Variants in SS18 observed in about 807,000 individuals in gnomAD.
The protein encoded by SS18 is protein SSXT.
A neutral mutation model predicts 72.5 loss-of-function variants in SS18; 28 were observed. The observed-to-expected ratio is 0.39, with a 90% confidence interval of 0.29 to 0.53. The LOEUF (loss-of-function observed/expected upper bound fraction) is 0.53. Among genes scored for constraint, SS18 ranks in the 20% least tolerant of loss-of-function variants. The pLI is 0.76. For missense variants in SS18, 518 were observed against 535.3 expected, an observed-to-expected ratio of 0.97 and a Z score of 0.32; for synonymous variants, 172 against 164.2, an observed-to-expected ratio of 1.05 and a Z score of -0.37.
At chr18:26,068,054 C>T (rs73403513) in intron 3 of SS18, among the ~76,000 whole-genome samples, 1,788 of 152,198 alleles carry the variant, frequency 0.012, 26 homozygotes, top group African/African-American at 0.041. Context: ...AGAGCTCAGG[C>T]GGTAATGCTC....
chr18:26,063,714 A>G (rs940662809), intron 3 of SS18, among the ~76,000 whole-genome samples: 3 of 152,202 alleles, frequency 2.0e-5, no homozygotes. Context: ...AAGTTGAAAA[A>G]TAACACTATC....
chr18:26,085,505 A>G (rs111330476), intron 2 of SS18, among the ~76,000 whole-genome samples: 2,450 of 152,348 alleles, frequency 0.016, 51 homozygotes, highest in African/African-American at 0.055. Flanking sequence ...TTGGCAACTT[A>G]GTATGGTCTT....
chr18:26,050,022 G>A (rs1446475214), intron 5 of SS18, among the ~76,000 whole-genome samples: 2 of 152,230 alleles, frequency 1.3e-5, no homozygotes, highest in Admixed American at 1.3e-4. Context: ...TGAGGTGGAT[G>A]GATGGCTTGA....
chr18:26,039,186 A>AG (rs2053679025), intron 6 of SS18, 103 bp downstream of exon 6: 3 of 906,722 alleles, frequency 3.3e-6, no homozygotes, highest in Admixed American at 3.1e-5. Context: ...AAAAAAAAAA[A>AG]AAAAAAAAAG....
chr18:26,019,877 A>C (rs1374801468), intron 10 of SS18, among the ~76,000 whole-genome samples: 1 of 151,612 alleles, frequency 6.6e-6, no homozygotes, highest in African/African-American at 2.4e-5. Flanking sequence ...ATTTAAATCA[A>C]TGATCATCTT....
At chr18:26,051,083 T>A (rs1166409583) in intron 5 of SS18, among the ~76,000 whole-genome samples, 1 of 152,118 alleles carries the variant, frequency 6.6e-6, no homozygotes, top group Non-Finnish European at 1.5e-5. Flanking sequence ...ATGCCTGTAA[T>A]CCCAGGACTT....
chr18:26,081,672 T>C (rs1345493661), intron 2 of SS18, among the ~76,000 whole-genome samples: 5 of 151,688 alleles, frequency 3.3e-5, no homozygotes, highest in Admixed American at 2.6e-4. Flanking sequence ...ATATTAAATA[T>C]ATTTTCCTCA....
At chr18:26,019,835 C>T (rs988382994) in intron 10 of SS18, among the ~76,000 whole-genome samples, 7 of 140,298 alleles carry the variant, frequency 5.0e-5, no homozygotes, top group Middle Eastern at 3.5e-3. Flanking sequence ...GGATTTTACA[C>T]TAGTGTGTTT....
intron 3 of SS18, among the ~76,000 whole-genome samples, chr18:26,064,005 G>T (rs908904528): frequency 4.0e-5 from 6 of 151,792 alleles, no homozygotes; most frequent in Non-Finnish European, 8.8e-5. Flanking sequence ...GGCAGTAAAA[G>T]GAAAATGAGA....
chr18:26,075,497 C>T (rs753014904), intron 3 of SS18, among the ~76,000 whole-genome samples: 3 of 151,828 alleles, frequency 2.0e-5, no homozygotes, highest in Non-Finnish European at 4.4e-5. Flanking sequence ...TCATCTCATT[C>T]GATGCAATAA....
rs2053685680 is a variant in SS18 at position 26,039,430 on chromosome 18, A to G, written c.634T>C (p.Ser212Pro). 2.5e-6 allele frequency: 4 copies of G among 1,613,578 alleles called. No homozygotes were observed. The highest frequency in any genetic ancestry group is 2.2e-5 in the East Asian group (1 of 44,868). Residue 212 changes from serine (S) to proline (P), a missense_variant, in exon 6 of 11, where the codon TCT (serine) becomes CCT (proline). Physicochemically the swap from Ser to Pro is moderately conservative, Grantham distance 74 (BLOSUM62 -1). Transcript: ENST00000415083. ...QGPMMHQQPPSQQYNMPQGGG... is the reference protein window; with the variant it reads ...QGPMMHQQPPPQQYNMPQGGG... ...CCCTGTGGCATATTGTATTGCTGAG[A>G]AGGAGGCTGCTGATGCATCATTGGA... is the stretch of plus-strand genomic sequence containing the variant.
chr18:26,045,345 T>C (rs763332892), intron 5 of SS18, among the ~76,000 whole-genome samples: 4 of 152,120 alleles, frequency 2.6e-5, no homozygotes, highest in Non-Finnish European at 4.4e-5. Flanking sequence ...TCTTGGACCT[T>C]ATTTCTTATG....
intron 3 of SS18, among the ~76,000 whole-genome samples, chr18:26,065,607 G>A (rs930235438): frequency 6.6e-6 from 1 of 151,044 alleles, no homozygotes; most frequent in Non-Finnish European, 1.5e-5. Flanking sequence ...TATGACACAG[G>A]AAAATATTTC....
intron 6 of SS18, among the ~76,000 whole-genome samples, chr18:26,038,876 T>C (rs1428337327): frequency 6.6e-5 from 10 of 152,150 alleles, no homozygotes; most frequent in Non-Finnish European, 1.5e-4. Flanking sequence ...AGACCATACA[T>C]GCAGTATCAA....
chr18:26,071,303 A>C (rs980357337), intron 3 of SS18, among the ~76,000 whole-genome samples: 1 of 152,214 alleles, frequency 6.6e-6, no homozygotes, highest in African/African-American at 2.4e-5. Context: ...TGTGAGAAAA[A>C]ATAAATTTAA....
At chr18:26,080,557 T>A (rs1239672636) in intron 2 of SS18, 1 of 176,182 alleles carries the variant, frequency 5.7e-6, no homozygotes, top group East Asian at 1.9e-4. Context: ...ACACTGAAGT[T>A]GCCTGCAGTT....
chr18:26,077,612 G>A lies in SS18; in HGVS notation c.231+464C>T, dbSNP rs569000023. 9.2e-5 allele frequency among the ~76,000 whole-genome samples: 14 copies of A among 152,188 alleles called. No homozygotes were observed. In the South Asian group the frequency reaches 1.7e-3, roughly 18 times the overall value. The stretch of plus-strand genomic sequence containing the variant: ...TGCTCGGCCTTTTGGCTAAGATCAC[G>A]TGTAAAACATTTAGGTTTGTTTTAG... On this transcript the variant is annotated intron_variant, in intron 3 of 10. Transcript: ENST00000415083.
At chr18:26,089,334 TAACTC>T (rs1314456629) in intron 1 of SS18, among the ~76,000 whole-genome samples, 1 of 152,202 alleles carries the variant, frequency 6.6e-6, no homozygotes, top group Non-Finnish European at 1.5e-5. Flanking sequence ...GCTGCAGACT[TAACTC>T]AGAGCACTAT....
chr18:26,053,605 T>C (rs1214951326), intron 4 of SS18, among the ~76,000 whole-genome samples: 1 of 150,292 alleles, frequency 6.7e-6, no homozygotes, highest in African/African-American at 2.5e-5. Context: ...ACTTAACATA[T>C]GAAGTAAGTA....
Sources: allele counts gnomAD v4.1 joint callset (sites outside exome capture counted in the v4.1 genomes callset), GRCh38; gene constraint gnomAD v4.1.1; transcripts MANE v1.5; gene names NCBI Gene and HGNC (gene_info 2026-07-23, HGNC 2026-07-21).